GNAZ: variants seen among roughly 807,000 people sequenced by gnomAD.
GNAZ encodes the protein G protein subunit alpha z, also known as guanine nucleotide-binding protein G(z) subunit alpha.
In GNAZ, 3 loss-of-function variants were observed where a neutral mutation model predicts 25.4. The observed-to-expected ratio is 0.12, with a 90% CI of 0.05 to 0.30. The LOEUF is 0.30. GNAZ is among the 10% of genes least tolerant of loss of function. The probability of loss-of-function intolerance (pLI) is 1.00; values close to 1 mark genes in which losing one functional copy is unlikely to be tolerated. For synonymous variants in GNAZ, 211 were observed against 205.7 expected, an observed-to-expected ratio of 1.03 and a Z score of -0.22; for missense variants, 241 against 501.8, an observed-to-expected ratio of 0.48 and a Z score of 4.97.
At chr22:23,116,967 C>T (rs770770476) in intron 2 of GNAZ, among the ~76,000 whole-genome samples, 1 of 152,224 alleles carries the variant, frequency 6.6e-6, no homozygotes, top group African/African-American at 2.4e-5. Context: ...GGCCCATGAG[C>T]TCTCAGACCA....
At chr22:23,123,048 C>A in intron 2 of GNAZ, 39 bp from the exon 3 acceptor site, 1 of 1,372,344 alleles carries the variant, frequency 7.3e-7, no homozygotes, top group Non-Finnish European at 1.0e-6. Context: ...TCTCTGCCTG[C>A]TGCGGGCCTG....
At chr22:23,115,615 C>T (rs2069807649) in intron 2 of GNAZ, among the ~76,000 whole-genome samples, 1 of 152,154 alleles carries the variant, frequency 6.6e-6, no homozygotes, top group African/African-American at 2.4e-5. Context: ...GCCTCCCACA[C>T]CTCAGTGATG....
At position 23,119,083 on chromosome 22, in the gene GNAZ, C is replaced by T. The variant is rs990791839; in HGVS notation, c.724-4004C>T. Among the ~76,000 whole-genome samples the T allele has an allele frequency of 3.3e-5, 5 of 152,234 alleles. No homozygotes were observed. The East Asian group carries it at 7.7e-4, about 23-fold the overall frequency. On this transcript the variant is annotated intron_variant, in intron 2 of 2. Coordinates refer to ENST00000615612, the MANE Select transcript of GNAZ (RefSeq NM_002073.4). ...GCTTCCCATATGCATGCTTGAGTCA[C>T]AGTTTCCAGAGCTACAGCTTCAAAT...
At chr22:23,117,628 T>A (rs1601833149) in intron 2 of GNAZ, among the ~76,000 whole-genome samples, 2 of 152,254 alleles carry the variant, frequency 1.3e-5, no homozygotes, top group South Asian at 4.1e-4. Flanking sequence ...CCCACTGGGG[T>A]GCCAGTGGTA....
rs999469434 is a variant in GNAZ at position 23,119,844 on chromosome 22, G to A, written c.724-3243G>A. Among the ~76,000 whole-genome samples the A allele has an allele frequency of 4.6e-5, 7 of 151,974 alleles. No individual in the cohort carries two copies. The East Asian group carries it at 5.8e-4, about 13-fold the overall frequency. On this transcript the variant is annotated intron_variant, in intron 2 of 2. Coordinates refer to ENST00000615612, the MANE Select transcript of GNAZ (RefSeq NM_002073.4). ...AAGAAACAAGACCAGGAAACCAGGC[G>A]TCTACACAGAGATTTTGTTATTATT...
At chr22:23,115,830 C>T (rs941640469) in intron 2 of GNAZ, among the ~76,000 whole-genome samples, 2 of 152,252 alleles carry the variant, frequency 1.3e-5, no homozygotes, top group East Asian at 3.8e-4. Flanking sequence ...TCAGGAAATT[C>T]TGTTCAAGTT....
chr22:23,103,614 C>G (rs145775678), intron 2 of GNAZ, among the ~76,000 whole-genome samples: 110 of 152,302 alleles, frequency 7.2e-4, no homozygotes, highest in African/African-American at 2.6e-3. Flanking sequence ...TTAAGAGAAT[C>G]CTACTCCACA....
chr22:23,085,981 A>T (rs2068808124), intron 1 of GNAZ, among the ~76,000 whole-genome samples: 1 of 152,268 alleles, frequency 6.6e-6, no homozygotes, highest in African/African-American at 2.4e-5. Flanking sequence ...TTTAAGCAAC[A>T]GCCAGTGGCC....
intron 1 of GNAZ, among the ~76,000 whole-genome samples, chr22:23,077,394 G>A (rs984186668): frequency 2.6e-5 from 4 of 152,158 alleles, no homozygotes; most frequent in African/African-American, 9.7e-5. Context: ...GCCTCTTTCT[G>A]TACACTGAAG....
chr22:23,073,376 CG>C (rs1160582914), intron 1 of GNAZ, among the ~76,000 whole-genome samples: 17 of 152,362 alleles, frequency 1.1e-4, no homozygotes, highest in African/African-American at 4.1e-4. Flanking sequence ...GGCTATGCTG[CG>C]GCCTGGGCAG....
intron 2 of GNAZ, among the ~76,000 whole-genome samples, chr22:23,118,913 A>C (rs1471991635): frequency 4.6e-5 from 7 of 152,244 alleles, no homozygotes; most frequent in Non-Finnish European, 1.0e-4. Flanking sequence ...CACCAAGGGC[A>C]GGAGGACCCA....
intron 1 of GNAZ, among the ~76,000 whole-genome samples, chr22:23,074,174 C>T (rs777943464): frequency 4.6e-4 from 70 of 151,872 alleles, no homozygotes; most frequent in Non-Finnish European, 8.5e-4. Flanking sequence ...GAGACTGGAG[C>T]TGCCCTCCCA....
At chr22:23,110,575 C>G (rs2069616338) in intron 2 of GNAZ, among the ~76,000 whole-genome samples, 3 of 152,238 alleles carry the variant, frequency 2.0e-5, no homozygotes, top group African/African-American at 7.2e-5. Context: ...CTCCCACCAC[C>G]TGAGCAGATG....
At chr22:23,096,598 G>T (rs1390385836) in intron 2 of GNAZ, among the ~76,000 whole-genome samples, 180 bp downstream of exon 2, 1 of 152,224 alleles carries the variant, frequency 6.6e-6, no homozygotes, top group Non-Finnish European at 1.5e-5. Flanking sequence ...ACAGGGTGTG[G>T]AGTGCAGGTG....
chr22:23,120,711 G>A lies in GNAZ; in HGVS notation c.724-2376G>A, dbSNP rs568497979. ...CATACCCTGCTGGTGGCCAGATCAC[G>A]CCCTTCCCAACCCCGGAGGAAGCCC... On this transcript the variant is annotated intron_variant, in intron 2 of 2. Coordinates refer to ENST00000615612, the MANE Select transcript of GNAZ (RefSeq NM_002073.4). Among the ~76,000 whole-genome samples the A allele has an allele frequency of 9.5e-4, 144 of 151,926 alleles. 2 individuals carry two copies. The Middle Eastern group carries it at 0.027, about 29-fold the overall frequency.
At chr22:23,106,385 G>A (rs1458678866) in intron 2 of GNAZ, among the ~76,000 whole-genome samples, 1 of 152,264 alleles carries the variant, frequency 6.6e-6, no homozygotes, top group Non-Finnish European at 1.5e-5. Flanking sequence ...GCTCTGCCCA[G>A]TGGGTGAAGC....
chr22:23,113,072 C>G (rs902016726), intron 2 of GNAZ, among the ~76,000 whole-genome samples: 1 of 152,188 alleles, frequency 6.6e-6, no homozygotes, highest in African/African-American at 2.4e-5. Flanking sequence ...GGGCTCACCT[C>G]CAGGCTAGCA....
At chr22:23,080,413 G>A (rs1389926676) in intron 1 of GNAZ, among the ~76,000 whole-genome samples, 1 of 152,202 alleles carries the variant, frequency 6.6e-6, no homozygotes, top group Non-Finnish European at 1.5e-5. Flanking sequence ...AAGGACACTG[G>A]GAGGCCCAGC....
intron 2 of GNAZ, among the ~76,000 whole-genome samples, chr22:23,100,618 G>A (rs1345891462): frequency 6.6e-6 from 1 of 152,226 alleles, no homozygotes; most frequent in Non-Finnish European, 1.5e-5. Flanking sequence ...CTCCAGGGCA[G>A]GTCAGCAGCC....
Sources: gnomAD v4.1 joint callset for allele counts (sites outside exome capture counted in the v4.1 genomes callset) on GRCh38, gnomAD v4.1.1 for gene constraint, MANE v1.5 for transcripts, NCBI Gene and HGNC (gene_info 2026-07-23, HGNC 2026-07-21) for gene names.